METTL15: variants seen among roughly 807,000 people sequenced by gnomAD.
METTL15 encodes 12S rRNA N(4)-cytidine methyltransferase METTL15.
Under a neutral mutation model 38.3 loss-of-function variants are expected in METTL15, and 34 were observed. The ratio of observed to expected loss-of-function variants is 0.89; its 90% confidence interval spans 0.68 to 1.18. The LOEUF is 1.18. Among genes scored for constraint, METTL15 ranks in the 50% most tolerant of loss-of-function variants. The pLI is 0.00. For synonymous variants in METTL15, 162 were observed against 170.9 expected (o/e 0.95, Z 0.41); for missense variants, 438 against 498.4 (o/e 0.88, Z 1.15).
chr11:28,289,929 A>G (rs982892172), intron 4 of METTL15, among the ~76,000 whole-genome samples: 2 of 152,122 alleles, frequency 1.3e-5, no homozygotes. Flanking sequence ...TGACATAGGA[A>G]TTTTTCTAAC....
chr11:28,224,194 A>G (rs1319653435), intron 4 of METTL15, among the ~76,000 whole-genome samples: 2 of 151,892 alleles, frequency 1.3e-5, no homozygotes, highest in Non-Finnish European at 2.9e-5. Flanking sequence ...TCAGTGTTTC[A>G]TTATGTATAC....
chr11:28,146,576 T>A (rs1849894044), intron 3 of METTL15, among the ~76,000 whole-genome samples: 1 of 152,026 alleles, frequency 6.6e-6, no homozygotes, highest in Non-Finnish European at 1.5e-5. Flanking sequence ...AATCCTGTAA[T>A]GAACCCTGTG....
chr11:28,172,691 T>C (rs1490018967), intron 3 of METTL15, among the ~76,000 whole-genome samples: 1 of 152,220 alleles, frequency 6.6e-6, no homozygotes, highest in African/African-American at 2.4e-5. Context: ...AGTTTATTCA[T>C]TGTCTCAGAC....
chr11:28,132,780 A>G (rs1040046720), intron 3 of METTL15, among the ~76,000 whole-genome samples: 2 of 152,312 alleles, frequency 1.3e-5, no homozygotes, highest in African/African-American at 2.4e-5. Flanking sequence ...AGATTCCTGA[A>G]AAGTTTGTGA....
intron 4 of METTL15, among the ~76,000 whole-genome samples, chr11:28,263,921 G>A (rs924390343): frequency 6.6e-6 from 1 of 152,030 alleles, no homozygotes; most frequent in African/African-American, 2.4e-5. Context: ...GATGGTAAGT[G>A]TTTTGAGGGC....
intron 3 of METTL15, among the ~76,000 whole-genome samples, chr11:28,341,982 A>G (rs1057229780): frequency 1.3e-5 from 2 of 152,122 alleles, no homozygotes; most frequent in South Asian, 4.2e-4. Context: ...CCCAATCTAG[A>G]TCTTTCCTAT....
intron 3 of METTL15, among the ~76,000 whole-genome samples, chr11:28,127,267 T>C (rs1852530034): frequency 1.3e-5 from 2 of 151,886 alleles, no homozygotes; most frequent in Admixed American, 1.3e-4. Context: ...AATGGGCAGA[T>C]TTGAGGGAGA....
chr11:28,493,322 T>C (rs147272989), intron 6 of METTL15, among the ~76,000 whole-genome samples: 1 of 152,234 alleles, frequency 6.6e-6, no homozygotes, highest in African/African-American at 2.4e-5. Flanking sequence ...CTCTGTTCTG[T>C]CATGTCTCAT....
chr11:28,237,688 G>T (rs900409370), intron 4 of METTL15, among the ~76,000 whole-genome samples: 2 of 152,066 alleles, frequency 1.3e-5, no homozygotes, highest in African/African-American at 4.8e-5. Context: ...CTGTTTTTTA[G>T]AGTTTCCACT....
chr11:28,369,622 TG>T (rs1187238618), intron 5 of METTL15, among the ~76,000 whole-genome samples: 3 of 152,102 alleles, frequency 2.0e-5, no homozygotes, highest in African/African-American at 7.2e-5. Context: ...ACATTGGTAG[TG>T]GGGTTATATA....
rs185066046 is a variant in METTL15 at position 28,330,807 on chromosome 11, G to C, written c.1190G>C (p.Arg397Pro). Residue 397 changes from arginine (R) to proline (P), a missense_variant, in exon 7 of 7, where the codon CGC (arginine) becomes CCC (proline). By Grantham distance (103) the Arg-to-Pro change is moderately radical. Coordinates refer to ENST00000407364, the MANE Select transcript of METTL15 (RefSeq NM_001113528.2). The stretch of plus-strand genomic sequence containing the variant: ...GATGTACAAGATAACCCCAGAGGGC[G>C]CTCAGCCAAGCTTAGAGCAGCTATC... ...DQDVQDNPRG[R>P]SAKLRAAIKL The C allele has an allele frequency of 6.5e-7, 1 of 1,550,320 alleles. No individual in the cohort carries two copies. The highest frequency in any genetic ancestry group is 8.7e-7 in the Non-Finnish European group (1 of 1,146,502).
At chr11:28,220,747 G>T (rs1853168842) in intron 4 of METTL15, among the ~76,000 whole-genome samples, 1 of 152,156 alleles carries the variant, frequency 6.6e-6, no homozygotes, top group Admixed American at 6.5e-5. Flanking sequence ...GCTCTTGTAG[G>T]GCAGGGCTGG....
At chr11:28,409,338 T>C (rs941607915) in intron 5 of METTL15, among the ~76,000 whole-genome samples, 14 of 121,964 alleles carry the variant, frequency 1.1e-4, no homozygotes, top group South Asian at 7.5e-4. Flanking sequence ...GCCGAGATGA[T>C]GCCACTGCAC....
At chr11:28,463,400 C>A (rs901355916) in intron 6 of METTL15, among the ~76,000 whole-genome samples, 1 of 152,124 alleles carries the variant, frequency 6.6e-6, no homozygotes. Context: ...CTCTCAGGGA[C>A]AAATTTTACT....
chr11:28,499,155 C>G (rs959292320), intron 6 of METTL15, among the ~76,000 whole-genome samples: 2 of 152,168 alleles, frequency 1.3e-5, no homozygotes, highest in East Asian at 3.9e-4. Context: ...CCTCAGGGGT[C>G]TGCTGGTCTC....
chr11:28,487,132 G>T (rs149944785), intron 6 of METTL15, among the ~76,000 whole-genome samples: 1 of 151,952 alleles, frequency 6.6e-6, no homozygotes, highest in Non-Finnish European at 1.5e-5. Context: ...CTTTCTGGGG[G>T]GCAATTTGGC....
intron 6 of METTL15, among the ~76,000 whole-genome samples, chr11:28,510,817 A>G (rs949536877): frequency 6.6e-6 from 1 of 152,162 alleles, no homozygotes; most frequent in African/African-American, 2.4e-5. Flanking sequence ...AAATGATGCA[A>G]TTAAAAGCTG....
At chr11:28,519,564 A>C (rs1851747271) in intron 6 of METTL15, among the ~76,000 whole-genome samples, 1 of 152,074 alleles carries the variant, frequency 6.6e-6, no homozygotes, top group Non-Finnish European at 1.5e-5. Flanking sequence ...CAAAAAAAAA[A>C]AAAGAAGAAC....
intron 6 of METTL15, among the ~76,000 whole-genome samples, chr11:28,513,458 T>C (rs1252076125): frequency 6.6e-6 from 1 of 152,152 alleles, no homozygotes; most frequent in East Asian, 1.9e-4. Context: ...TCTGGTGAGT[T>C]GGTAGAGTAG....
Sources: gnomAD v4.1 joint callset for allele counts (sites outside exome capture counted in the v4.1 genomes callset) on GRCh38, gnomAD v4.1.1 for gene constraint, MANE v1.5 for transcripts, NCBI Gene and HGNC (gene_info 2026-07-23, HGNC 2026-07-21) for gene names.